Variants in CSMD1 observed in about 807,000 individuals in gnomAD.
CSMD1 encodes the protein CUB and Sushi multiple domains 1.
In CSMD1, 213 loss-of-function variants were observed where a neutral mutation model predicts 417.5. That is an observed-to-expected ratio of 0.51 (90% CI 0.46 to 0.57). The LOEUF is 0.57. CSMD1 is among the 20% of genes least tolerant of loss of function. The pLI, the probability that CSMD1 is intolerant of heterozygous loss-of-function variation, is 0.00. For missense variants in CSMD1, 6,923 were observed against 4,529.7 expected, an observed-to-expected ratio of 1.53 and a Z score of -15.17; for synonymous variants, 2,862 against 1,736.8, an observed-to-expected ratio of 1.65 and a Z score of -16.11.
chr8:3,450,955 A>T (rs368679140), intron 12 of CSMD1, among the ~76,000 whole-genome samples: 4 of 152,020 alleles, frequency 2.6e-5, no homozygotes, highest in Non-Finnish European at 4.4e-5. Context: ...TTCCTATTTC[A>T]CCACATCCTC....
chr8:4,280,111 A>G (rs192605633), intron 3 of CSMD1, among the ~76,000 whole-genome samples: 93 of 152,352 alleles, frequency 6.1e-4, no homozygotes, highest in Non-Finnish European at 1.2e-3. Flanking sequence ...TGCTCTCTTC[A>G]TTACACCGTA....
chr8:3,142,510 T>C lies in CSMD1; in HGVS notation c.6196A>G (p.Ser2066Gly). The change falls in exon 41 of 70, where the codon AGT becomes GGT. Residue 2066 changes from serine (S) to glycine (G), a missense_variant. Transcript: ENST00000635120. Reference protein sequence around the residue: ...TTHETLIHFYSDHSQNRQGFK... With the variant: ...TTHETLIHFYGDHSQNRQGFK... ...CCTTGCCGGTTTTGCGAATGGTCACTATAAAAGTGGATGAGGGTTTCATGC... is the reference window on the plus strand; with the variant it reads ...CCTTGCCGGTTTTGCGAATGGTCACCATAAAAGTGGATGAGGGTTTCATGC... The C allele has an allele frequency of 6.2e-7, 1 of 1,613,998 alleles. No homozygotes were observed. Among genetic ancestry groups the C allele is most frequent in the Non-Finnish European group, 8.5e-7 (1 of 1,179,884 alleles).
intron 2 of CSMD1, among the ~76,000 whole-genome samples, chr8:4,586,479 T>G (rs911320367): frequency 2.0e-5 from 3 of 152,354 alleles, no homozygotes; most frequent in African/African-American, 7.2e-5. Context: ...GGTTTAATGA[T>G]AAAAATCACA....
intron 10 of CSMD1, among the ~76,000 whole-genome samples, chr8:3,564,746 C>CA (rs1009720029): frequency 2.3e-5 from 3 of 129,524 alleles, no homozygotes; most frequent in Admixed American, 2.2e-4. Flanking sequence ...ACCAAACACA[C>CA]AAAAAACCCA....
intron 3 of CSMD1, among the ~76,000 whole-genome samples, chr8:4,260,367 G>T (rs1437989127): frequency 6.6e-6 from 1 of 152,034 alleles, no homozygotes; most frequent in Non-Finnish European, 1.5e-5. Context: ...TGATTTGTAG[G>T]AGTTATTTGT....
intron 6 of CSMD1, among the ~76,000 whole-genome samples, chr8:3,726,944 A>C (rs1013279420): frequency 2.6e-5 from 4 of 152,228 alleles, no homozygotes; most frequent in Non-Finnish European, 4.4e-5. Context: ...ATTAATGACT[A>C]AACTCTGAAG....
chr8:4,589,683 G>C (rs180678447), intron 2 of CSMD1, among the ~76,000 whole-genome samples: 35 of 152,146 alleles, frequency 2.3e-4, no homozygotes, highest in African/African-American at 7.7e-4. Context: ...AATAACCTCC[G>C]CAATTGTTGA....
At chr8:2,954,341 T>C in intron 64 of CSMD1, 73 bp from the exon 65 acceptor site, 2 of 899,598 alleles carry the variant, frequency 2.2e-6, no homozygotes, top group Non-Finnish European at 1.7e-6. Context: ...AAATGTCAAA[T>C]TGAAGCAATT....
chr8:3,493,696 G>C lies in CSMD1; in HGVS notation c.1375C>G (p.Leu459Val), dbSNP rs753140367. 24 of 1,611,708 alleles carry C rather than the reference G, an allele frequency of 1.5e-5. No individual in the cohort carries two copies. The highest frequency in any genetic ancestry group is 2.0e-5 in the Non-Finnish European group (24 of 1,178,980). The change falls in exon 11 of 70, where the codon CTG (leucine) becomes GTG (valine). Residue 459 changes from leucine to valine, a missense_variant. By Grantham distance (32) the Leu-to-Val change is conservative. Coordinates refer to ENST00000635120, the MANE Select transcript of CSMD1 (RefSeq NM_033225.6). Reference protein sequence around the residue: ...VIKLAFEEFELERGYDTLTVG... With the variant: ...VIKLAFEEFEVERGYDTLTVG... ...GTCAGGGTGTCATAGCCTCGCTCCA[G>C]CTCAAACTCTTCAAAGGCAAGCTTG...
rs2117496528 is a variant in CSMD1 at position 4,994,618 on chromosome 8, C to T, written c.-202G>A. The T allele has an allele frequency of 3.6e-6, 2 of 552,732 alleles. No individual in the cohort carries two copies. Among genetic ancestry groups the T allele is most frequent in the East Asian group, 3.1e-5 (1 of 32,224 alleles). 34.2% of individuals were successfully genotyped at this position (552,732 alleles called of 1,614,324 possible). On this transcript the variant is annotated 5_prime_UTR_variant, in exon 1 of 70. Transcript: ENST00000635120. ...CATAGCATCGGGTCCCGAGCCACTGCAGGGCTGAGCTGCTCCGAGCGCGGA... is the reference window on the plus strand; with the variant it reads ...CATAGCATCGGGTCCCGAGCCACTGTAGGGCTGAGCTGCTCCGAGCGCGGA...
intron 26 of CSMD1, among the ~76,000 whole-genome samples, chr8:3,266,458 T>A (rs1284076797): frequency 6.6e-6 from 1 of 151,316 alleles, no homozygotes; most frequent in Non-Finnish European, 1.5e-5. Context: ...ATACAAAAAT[T>A]AGCCGGGCAT....
chr8:4,793,023 T>G (rs1207410807), intron 1 of CSMD1, among the ~76,000 whole-genome samples: 2 of 151,714 alleles, frequency 1.3e-5, no homozygotes, highest in Admixed American at 6.6e-5. Flanking sequence ...CACACATACA[T>G]AAGCCATTAA....
chr8:4,164,742 A>T (rs897736498), intron 3 of CSMD1, among the ~76,000 whole-genome samples: 1 of 152,078 alleles, frequency 6.6e-6, no homozygotes, highest in Non-Finnish European at 1.5e-5. Context: ...TAAAAAATAC[A>T]GTTTGTGCCT....
At chr8:4,110,895 A>G (rs1363661991) in intron 3 of CSMD1, among the ~76,000 whole-genome samples, 1 of 152,098 alleles carries the variant, frequency 6.6e-6, no homozygotes, top group Non-Finnish European at 1.5e-5. Context: ...TCTTATGTCA[A>G]AAGACATAAA....
rs759377439 is a variant in CSMD1 at position 4,776,848 on chromosome 8, T to G, written c.86-139290A>C. Among the ~76,000 whole-genome samples, 20 of 152,334 alleles carry G rather than the reference T, an allele frequency of 1.3e-4. No homozygotes were observed. In the South Asian group the frequency reaches 2.3e-3, roughly 17 times the overall value. On this transcript the variant is annotated intron_variant, in intron 1 of 69. Transcript: ENST00000635120. ...CTTACTGATTTCTGATTCTGGAGCT[T>G]CCATAAATTATTTTACTGTTTTCTG...
chr8:3,958,018 C>T (rs1024052701), intron 5 of CSMD1, among the ~76,000 whole-genome samples: 4 of 152,150 alleles, frequency 2.6e-5, no homozygotes, highest in African/African-American at 9.7e-5. Flanking sequence ...CCAGAGAAGA[C>T]AACTAATAGA....
At chr8:3,185,484 G>A (rs1821692065) in intron 36 of CSMD1, among the ~76,000 whole-genome samples, 2 of 152,086 alleles carry the variant, frequency 1.3e-5, no homozygotes, top group African/African-American at 2.4e-5. Flanking sequence ...TGTAAAATGT[G>A]TTCTGTCACA....
intron 1 of CSMD1, among the ~76,000 whole-genome samples, chr8:4,911,777 G>A (rs867165939): frequency 9.2e-5 from 14 of 152,066 alleles, no homozygotes; most frequent in African/African-American, 2.9e-4. Flanking sequence ...CAACATAGAA[G>A]CCGCCAGATC....
chr8:3,137,499 C>T (rs772365977), intron 41 of CSMD1, among the ~76,000 whole-genome samples: 2 of 152,158 alleles, frequency 1.3e-5, no homozygotes, highest in African/African-American at 2.4e-5. Context: ...CAGAAATGAC[C>T]GTCACCTTCA....
Sources: allele counts gnomAD v4.1 joint callset (sites outside exome capture counted in the v4.1 genomes callset), GRCh38; gene constraint gnomAD v4.1.1; transcripts MANE v1.5; gene names NCBI Gene and HGNC (gene_info 2026-07-23, HGNC 2026-07-21).